The following BMPR1B variants were observed in gnomAD, a reference collection of about 807,000 sequenced individuals.
The protein encoded by BMPR1B is bone morphogenetic protein receptor type-1B.
BMPR1B carries 12 observed loss-of-function variants against 59.1 expected under a neutral mutation model. That is an observed-to-expected ratio of 0.20 (90% CI 0.13 to 0.33). BMPR1B has a LOEUF of 0.33. Among genes scored for constraint, BMPR1B ranks in the 10% least tolerant of loss-of-function variants. The pLI is 1.00. For synonymous variants in BMPR1B, 237 were observed against 207.3 expected, an observed-to-expected ratio of 1.14 and a Z score of -1.23; for missense variants, 550 against 610.9, an observed-to-expected ratio of 0.90 and a Z score of 1.05.
chr4:95,086,637 C>T (rs955615406), intron 3 of BMPR1B, among the ~76,000 whole-genome samples: 1 of 152,126 alleles, frequency 6.6e-6, no homozygotes, highest in East Asian at 1.9e-4. Context: ...TTAGTAGAGG[C>T]CATGCCTTTG....
chr4:95,124,270 C>G (rs1490433223), intron 7 of BMPR1B, among the ~76,000 whole-genome samples: 1 of 151,824 alleles, frequency 6.6e-6, no homozygotes, highest in Non-Finnish European at 1.5e-5. Flanking sequence ...TATAACGTTT[C>G]TGATTATTAA....
intron 2 of BMPR1B, among the ~76,000 whole-genome samples, chr4:94,952,554 A>T (rs1729988100): frequency 1.3e-5 from 2 of 152,256 alleles, no homozygotes; most frequent in South Asian, 4.1e-4. Context: ...TTCAGTTTCC[A>T]TGTAGTTGTG....
At chr4:94,831,616 A>G (rs1230151092) in intron 1 of BMPR1B, among the ~76,000 whole-genome samples, 2 of 152,120 alleles carry the variant, frequency 1.3e-5, no homozygotes, top group Non-Finnish European at 1.5e-5. Flanking sequence ...ATTTATTTTT[A>G]CTGTACCTTT....
chr4:95,017,906 T>C (rs1181274535), intron 3 of BMPR1B, among the ~76,000 whole-genome samples: 1 of 152,152 alleles, frequency 6.6e-6, no homozygotes, highest in Non-Finnish European at 1.5e-5. Flanking sequence ...TATGTCAACA[T>C]CAAAAAGAAA....
At position 94,803,871 on chromosome 4, in the gene BMPR1B, T is replaced by G. The variant is rs534597052; in HGVS notation, c.-183+45803T>G. Among the ~76,000 whole-genome samples, 5 of 152,082 alleles carry G rather than the reference T, an allele frequency of 3.3e-5. No individual in the cohort carries two copies. In the South Asian group the frequency reaches 8.3e-4, roughly 25 times the overall value. Reference sequence around the variant, plus strand: ...AAAAGTAAAAAGAAAAAAAACACATTATTTTATTTATTTATTTATTTTTTT... The same window carrying G: ...AAAAGTAAAAAGAAAAAAAACACATGATTTTATTTATTTATTTATTTTTTT... On this transcript the variant is annotated intron_variant, in intron 1 of 12. Transcript: ENST00000515059.
At chr4:94,793,417 T>C (rs1352771349) in intron 1 of BMPR1B, among the ~76,000 whole-genome samples, 2 of 151,412 alleles carry the variant, frequency 1.3e-5, no homozygotes, top group East Asian at 1.9e-4. Flanking sequence ...CAGTCTATCA[T>C]TGTTGGACAT....
At chr4:94,843,726 A>G (rs1190998742) in intron 1 of BMPR1B, among the ~76,000 whole-genome samples, 1 of 149,352 alleles carries the variant, frequency 6.7e-6, no homozygotes, top group Non-Finnish European at 1.5e-5. Flanking sequence ...GGTGTGGTAA[A>G]TGAATTTTAC....
chr4:94,844,411 C>T (rs1016248779), intron 1 of BMPR1B, among the ~76,000 whole-genome samples: 2 of 152,108 alleles, frequency 1.3e-5, no homozygotes, highest in Admixed American at 6.5e-5. Flanking sequence ...ACAATGAGGC[C>T]TTAGGATTAG....
chr4:95,095,362 A>T (rs1396477065), intron 3 of BMPR1B, among the ~76,000 whole-genome samples: 1 of 152,138 alleles, frequency 6.6e-6, no homozygotes, highest in African/African-American at 2.4e-5. Flanking sequence ...TAAGAAAGAA[A>T]ATGGGCATTG....
intron 1 of BMPR1B, among the ~76,000 whole-genome samples, chr4:94,777,362 A>G (rs1350457666): frequency 6.6e-6 from 1 of 152,152 alleles, no homozygotes; most frequent in Non-Finnish European, 1.5e-5. Flanking sequence ...TTTTTATTTA[A>G]AAAAAGGAAA....
intron 2 of BMPR1B, among the ~76,000 whole-genome samples, chr4:94,924,677 C>A (rs1439067309): frequency 6.6e-6 from 1 of 152,130 alleles, no homozygotes; most frequent in Non-Finnish European, 1.5e-5. Flanking sequence ...GACTTCACAT[C>A]ATGTGTGCAA....
At chr4:95,054,619 G>A (rs192242943) in intron 3 of BMPR1B, among the ~76,000 whole-genome samples, 1 of 152,214 alleles carries the variant, frequency 6.6e-6, no homozygotes, top group East Asian at 1.9e-4. Flanking sequence ...TCCAAACATA[G>A]TAGAGACTCA....
chr4:94,944,288 T>C (rs1729624554), intron 2 of BMPR1B, among the ~76,000 whole-genome samples: 1 of 152,162 alleles, frequency 6.6e-6, no homozygotes, highest in African/African-American at 2.4e-5. Context: ...CTTAAGTCAT[T>C]AAGAAATTCT....
At chr4:95,142,135 T>A (rs1177024306) in intron 10 of BMPR1B, among the ~76,000 whole-genome samples, 1 of 152,198 alleles carries the variant, frequency 6.6e-6, no homozygotes, top group Non-Finnish European at 1.5e-5. Context: ...CTTGGGATTT[T>A]ATCATAGCAG....
chr4:94,874,490 A>G (rs1560526817), intron 1 of BMPR1B, among the ~76,000 whole-genome samples: 1 of 152,194 alleles, frequency 6.6e-6, no homozygotes, highest in Admixed American at 6.5e-5. Context: ...ATCATGGAGC[A>G]TATGTAAATA....
At chr4:95,152,199 A>G (rs1735094849) in intron 11 of BMPR1B, among the ~76,000 whole-genome samples, 1 of 152,140 alleles carries the variant, frequency 6.6e-6, no homozygotes. Context: ...TAAATCTGAC[A>G]TTTTGTTCAA....
chr4:94,873,298 T>C (rs1335535322), intron 1 of BMPR1B, among the ~76,000 whole-genome samples: 3 of 152,204 alleles, frequency 2.0e-5, no homozygotes, highest in African/African-American at 7.2e-5. Flanking sequence ...AATTTTTGCT[T>C]TTTTTCCTTC....
rs146215600 is a variant in BMPR1B, at chr4:94,961,923, T to C, written c.-112-34117T>C. ...AGATATCCATCACCTTAAACATTGA[T>C]CATTTCTTTGTGTTAGAAACATTTC... On this transcript the variant is annotated intron_variant, in intron 2 of 12. Coordinates refer to ENST00000515059, the MANE Select transcript of BMPR1B (RefSeq NM_001203.3). Among the ~76,000 whole-genome samples, 192 of 152,342 alleles carry C rather than the reference T, an allele frequency of 1.3e-3. 4 individuals are homozygous for C. Among genetic ancestry groups the C allele is most frequent in the Non-Finnish European group, 1.8e-3 (124 of 68,018 alleles).
intron 3 of BMPR1B, among the ~76,000 whole-genome samples, chr4:95,016,070 A>G (rs1723567324): frequency 8.2e-6 from 1 of 122,146 alleles, no homozygotes; most frequent in Admixed American, 9.3e-5. Context: ...TGTTTTTGTC[A>G]AAATGAGTGA....
Sources: gnomAD v4.1 joint callset for allele counts (sites outside exome capture counted in the v4.1 genomes callset) on GRCh38, gnomAD v4.1.1 for gene constraint, MANE v1.5 for transcripts, NCBI Gene and HGNC (gene_info 2026-07-23, HGNC 2026-07-21) for gene names.